Variants in SLC8A1 observed in about 807,000 individuals in gnomAD.
The protein encoded by SLC8A1 is solute carrier family 8 member A1.
A neutral mutation model predicts 68.3 loss-of-function variants in SLC8A1; 18 were observed. The ratio of observed to expected loss-of-function variants is 0.26; its 90% confidence interval spans 0.18 to 0.39. The LOEUF is 0.39. Ranked by LOEUF, SLC8A1 falls within the 10% of genes least tolerant of loss-of-function variation. The pLI is 1.00. For synonymous variants in SLC8A1, 475 were observed against 415.5 expected (o/e 1.14, Z -1.74); for missense variants, 985 against 1,156.7 (o/e 0.85, Z 2.15).
intron 2 of SLC8A1, among the ~76,000 whole-genome samples, chr2:40,236,343 AC>A (rs1235348035): frequency 1.3e-5 from 2 of 151,962 alleles, no homozygotes; most frequent in African/African-American, 4.8e-5. Flanking sequence ...TGATCTCTTT[AC>A]CATTATGTAA....
intron 1 of SLC8A1, among the ~76,000 whole-genome samples, chr2:40,434,184 C>T (rs1380055349): frequency 1.3e-5 from 2 of 152,128 alleles, no homozygotes; most frequent in Non-Finnish European, 1.5e-5. Flanking sequence ...AATCCATCAT[C>T]ATTATCAGAG....
chr2:40,132,066 G>C (rs2039489457), intron 7 of SLC8A1, among the ~76,000 whole-genome samples: 1 of 151,866 alleles, frequency 6.6e-6, no homozygotes, highest in Admixed American at 6.6e-5. Flanking sequence ...TGACCTTGAA[G>C]AGTTTAAATG....
exon 8 of SLC8A1, chr2:40,112,689 G>A (rs2034696563): frequency 6.6e-6 from 1 of 152,138 alleles, no homozygotes; most frequent in Admixed American, 6.6e-5. Context: ...TGGGAAGGAT[G>A]GGTTAGAATG....
chr2:40,439,194 C>T (rs1446741732), intron 1 of SLC8A1, among the ~76,000 whole-genome samples: 3 of 152,032 alleles, frequency 2.0e-5, no homozygotes, highest in Admixed American at 2.0e-4. Context: ...AAAGTTCCTA[C>T]TTCATGATGT....
At position 40,363,510 on chromosome 2, in the gene SLC8A1, G is replaced by T. The variant is rs537912875; in HGVS notation, c.1808+64963C>A. Among the ~76,000 whole-genome samples the T allele has an allele frequency of 2.6e-5, 4 of 152,188 alleles. No homozygotes were observed. In the South Asian group the frequency reaches 8.3e-4, roughly 32 times the overall value. On this transcript the variant is annotated intron_variant, in intron 2 of 7. Coordinates refer to ENST00000406785, the Ensembl canonical transcript of SLC8A1. ...TCAATGAGAAATAAACTGGCACATG[G>T]TAAATGATTAAAAACAAAAGCTATC...
intron 2 of SLC8A1, among the ~76,000 whole-genome samples, chr2:40,308,820 C>A (rs1211702774): frequency 1.3e-5 from 2 of 152,062 alleles, no homozygotes; most frequent in African/African-American, 4.8e-5. Flanking sequence ...CTTTGTCATC[C>A]CATCTCTTTG....
intron 1 of SLC8A1, among the ~76,000 whole-genome samples, chr2:40,510,697 C>T (rs1706666552): frequency 6.6e-6 from 1 of 152,206 alleles, no homozygotes; most frequent in Middle Eastern, 3.4e-3. Context: ...AGTTTATTCT[C>T]TCTCTCTCTT....
intron 2 of SLC8A1, among the ~76,000 whole-genome samples, chr2:40,379,728 T>A (rs936862393): frequency 6.6e-6 from 1 of 151,986 alleles, no homozygotes; most frequent in Non-Finnish European, 1.5e-5. Flanking sequence ...TCAGCACTGG[T>A]GCTCTAAGAG....
At chr2:40,126,844 G>A (rs1337108715) in intron 7 of SLC8A1, among the ~76,000 whole-genome samples, 3 of 152,184 alleles carry the variant, frequency 2.0e-5, no homozygotes. Flanking sequence ...CTCCACGGGA[G>A]TAGACATATC....
intron 2 of SLC8A1, among the ~76,000 whole-genome samples, chr2:40,392,520 T>G (rs78591487): frequency 0.027 from 4,099 of 152,194 alleles, 85 homozygotes; most frequent in Non-Finnish European, 0.04. Context: ...AGTAATACTA[T>G]GTGGTATCAC....
chr2:40,170,501 G>T, intron 4 of SLC8A1, 152 bp from the exon 7 acceptor site: 1 of 653,570 alleles, frequency 1.5e-6, no homozygotes, highest in Middle Eastern at 2.5e-4. Flanking sequence ...GTCACCCCTA[G>T]GTAGGTCACA....
chr2:40,263,757 C>T (rs955382746), intron 2 of SLC8A1, among the ~76,000 whole-genome samples: 6 of 152,156 alleles, frequency 3.9e-5, no homozygotes, highest in African/African-American at 1.4e-4. Flanking sequence ...TAGGAGAAAA[C>T]CTAGGCAATA....
At chr2:40,497,353 G>A (rs1437948272) in intron 1 of SLC8A1, among the ~76,000 whole-genome samples, 3 of 152,018 alleles carry the variant, frequency 2.0e-5, no homozygotes, top group Non-Finnish European at 2.9e-5. Flanking sequence ...CAAGTCCTGA[G>A]TATATCAAGA....
At chr2:40,140,786 A>G (rs1046839659) in intron 6 of SLC8A1, among the ~76,000 whole-genome samples, 2 of 152,218 alleles carry the variant, frequency 1.3e-5, no homozygotes, top group African/African-American at 4.8e-5. Context: ...TAAATGAAGG[A>G]GTGCATGCAG....
At chr2:40,134,975 G>A (rs1269792535) in intron 7 of SLC8A1, among the ~76,000 whole-genome samples, 1 of 152,170 alleles carries the variant, frequency 6.6e-6, no homozygotes, top group Non-Finnish European at 1.5e-5. Context: ...ATTATGAAAG[G>A]ACTCTTTAAA....
intron 2 of SLC8A1, among the ~76,000 whole-genome samples, chr2:40,218,298 T>G (rs1225168438): frequency 1.3e-5 from 2 of 152,216 alleles, no homozygotes; most frequent in East Asian, 3.8e-4. Context: ...CATTACAAAT[T>G]GCATGTAATT....
At chr2:40,460,648 G>A (rs1191460668) in intron 1 of SLC8A1, among the ~76,000 whole-genome samples, 1 of 150,848 alleles carries the variant, frequency 6.6e-6, no homozygotes, top group Non-Finnish European at 1.5e-5. Flanking sequence ...GGCATGATCT[G>A]CAACCTCCGC....
chr2:40,281,573 C>T (rs1375119816), intron 2 of SLC8A1, among the ~76,000 whole-genome samples: 1 of 152,174 alleles, frequency 6.6e-6, no homozygotes, highest in African/African-American at 2.4e-5. Context: ...AAGGGAGCTA[C>T]CTTTCCCCAG....
intron 2 of SLC8A1, among the ~76,000 whole-genome samples, chr2:40,379,777 T>C (rs932282130): frequency 1.3e-5 from 2 of 152,034 alleles, no homozygotes; most frequent in Non-Finnish European, 2.9e-5. Context: ...CACATTTTCC[T>C]TGGGGCAGCA....
Sources: allele counts gnomAD v4.1 joint callset (sites outside exome capture counted in the v4.1 genomes callset), GRCh38; gene constraint gnomAD v4.1.1; transcripts MANE v1.5; gene names NCBI Gene and HGNC (gene_info 2026-07-23, HGNC 2026-07-21).